The following NARS2 variants were observed in gnomAD, a reference collection of about 807,000 sequenced individuals.
The protein encoded by NARS2 is asparaginyl-tRNA synthetase.
A neutral mutation model predicts 62.9 loss-of-function variants in NARS2; 60 were observed. The observed-to-expected ratio is 0.95, with a 90% CI of 0.77 to 1.18. The LOEUF (loss-of-function observed/expected upper bound fraction) is 1.18, where lower values mean the gene tolerates loss of function less well. Among genes scored for constraint, NARS2 ranks in the 50% most tolerant of loss-of-function variants. The probability of loss-of-function intolerance (pLI) is 0.00; values close to 1 mark genes in which losing one functional copy is unlikely to be tolerated. For missense variants in NARS2, 619 were observed against 576.4 expected (o/e 1.07, Z -0.76); for synonymous variants, 196 against 200.0 (o/e 0.98, Z 0.17).
At chr11:78,517,467 C>T (rs1860956225) in intron 6 of NARS2, among the ~76,000 whole-genome samples, 1 of 152,302 alleles carries the variant, frequency 6.6e-6, no homozygotes, top group South Asian at 2.1e-4. Flanking sequence ...ACTACCACCT[C>T]GTATTCATCC....
At chr11:78,530,951 C>T (rs1861455572) in intron 5 of NARS2, among the ~76,000 whole-genome samples, 1 of 152,010 alleles carries the variant, frequency 6.6e-6, no homozygotes, top group Non-Finnish European at 1.5e-5. Flanking sequence ...TTTTATATTA[C>T]AATTAAAGTA....
intron 6 of NARS2, among the ~76,000 whole-genome samples, chr11:78,494,461 TTC>T (rs1416557045): frequency 1.7e-3 from 159 of 96,136 alleles, no homozygotes; most frequent in African/African-American, 5.4e-3. Context: ...TATAAGTTTT[TTC>T]TTTTTCTTTT....
chr11:78,459,320 G>T (rs1347048072), intron 11 of NARS2, among the ~76,000 whole-genome samples: 1 of 150,832 alleles, frequency 6.6e-6, no homozygotes, highest in African/African-American at 2.5e-5. Flanking sequence ...GCCCAGGCTG[G>T]AGTACAATGA....
intron 9 of NARS2, among the ~76,000 whole-genome samples, chr11:78,473,025 G>C (rs1462990484): frequency 6.6e-6 from 1 of 152,210 alleles, no homozygotes; most frequent in African/African-American, 2.4e-5. Flanking sequence ...AAGCAGCCGG[G>C]TGTGGTGGCC....
chr11:78,500,178 C>T (rs1860230307), intron 6 of NARS2, among the ~76,000 whole-genome samples: 1 of 152,160 alleles, frequency 6.6e-6, no homozygotes, highest in South Asian at 2.1e-4. Flanking sequence ...CCAGATGACT[C>T]ACTTTTTTAA....
chr11:78,525,555 A>G (rs749042899), intron 6 of NARS2, among the ~76,000 whole-genome samples: 10 of 152,190 alleles, frequency 6.6e-5, no homozygotes, highest in Non-Finnish European at 1.3e-4. Flanking sequence ...ATACAAGTCT[A>G]TTAAGATATA....
chr11:78,492,112 G>GACACACACAC (rs754089395), intron 7 of NARS2, among the ~76,000 whole-genome samples: 4 of 145,422 alleles, frequency 2.8e-5, no homozygotes, highest in Non-Finnish European at 4.5e-5. Flanking sequence ...TATATATACA[G>GACACACACAC]ACACACACAC....
chr11:78,563,406 C>T (rs1433236772), intron 4 of NARS2, among the ~76,000 whole-genome samples: 1 of 151,588 alleles, frequency 6.6e-6, no homozygotes, highest in South Asian at 2.1e-4. Context: ...TTAGTAGACA[C>T]GGGGTATCAC....
At position 78,572,912 on chromosome 11, in the gene NARS2, CCAGA is replaced by C. The variant is rs769704776; in HGVS notation, c.141+1432_141+1435del. Among the ~76,000 whole-genome samples the C allele has an allele frequency of 1.1e-4, 16 of 152,122 alleles. No individual in the cohort carries two copies. The East Asian group carries it at 1.5e-3, about 15-fold the overall frequency. On this transcript the variant is annotated intron_variant, in intron 1 of 13. Coordinates refer to ENST00000281038, the MANE Select transcript of NARS2 (RefSeq NM_024678.6). ...CACTTATAGCACATCTCAATTTGGA[CCAGA>C]CAAAGTTCAAGTGCTCAGAGCCAAA... is the stretch of plus-strand genomic sequence containing the variant.
chr11:78,530,897 G>A (rs1025540494), intron 5 of NARS2, among the ~76,000 whole-genome samples: 3 of 152,072 alleles, frequency 2.0e-5, no homozygotes, highest in Non-Finnish European at 2.9e-5. Context: ...TCATGTTAGC[G>A]TTTACGTAAC....
At chr11:78,496,367 T>C (rs1051338957) in intron 6 of NARS2, among the ~76,000 whole-genome samples, 4 of 152,164 alleles carry the variant, frequency 2.6e-5, no homozygotes, top group African/African-American at 9.6e-5. Context: ...ACAAGAACCT[T>C]AGAGTTAATC....
chr11:78,490,761 C>CA (rs972593520), intron 7 of NARS2, among the ~76,000 whole-genome samples: 54 of 141,052 alleles, frequency 3.8e-4, no homozygotes, highest in Non-Finnish European at 6.1e-4. Context: ...GACCCTGTTT[C>CA]AAAAAAAAAA....
intron 5 of NARS2, among the ~76,000 whole-genome samples, chr11:78,543,914 C>G (rs1487231897): frequency 6.6e-6 from 1 of 150,742 alleles, no homozygotes; most frequent in African/African-American, 2.5e-5. Flanking sequence ...ACCTGTAGTC[C>G]CAGCTACTCG....
chr11:78,504,438 T>TG (rs1860409240), intron 6 of NARS2, among the ~76,000 whole-genome samples: 1 of 26,066 alleles, frequency 3.8e-5, no homozygotes, highest in African/African-American at 8.7e-5. Flanking sequence ...ACACCAGTTT[T>TG]TTTTTTTTTT....
chr11:78,460,952 T>A (rs1474432967), intron 11 of NARS2, among the ~76,000 whole-genome samples: 1 of 152,230 alleles, frequency 6.6e-6, no homozygotes, highest in Non-Finnish European at 1.5e-5. Context: ...AACAACTATT[T>A]ACACAGCATT....
intron 10 of NARS2, among the ~76,000 whole-genome samples, chr11:78,466,905 T>C (rs1565216785): frequency 2.0e-5 from 3 of 152,238 alleles, no homozygotes; most frequent in Non-Finnish European, 4.4e-5. Context: ...CCAGGTACCA[T>C]ATGATATACT....
At chr11:78,566,387 CTTT>C in intron 3 of NARS2, 115 bp from the exon 4 acceptor site, 1 of 782,712 alleles carries the variant, frequency 1.3e-6, no homozygotes, top group Non-Finnish European at 1.9e-6. Context: ...TCCTTTCCTT[CTTT>C]ATTTCTTAAT....
chr11:78,566,203 T>A lies in NARS2; in HGVS notation c.442A>T (p.Arg148Trp). The A allele has an allele frequency of 6.2e-7, 1 of 1,612,958 alleles. No individual in the cohort carries two copies. Among genetic ancestry groups the A allele is most frequent in the Non-Finnish European group, 8.5e-7 (1 of 1,179,158 alleles). ...YLRQYPHFRC[R>W]TNVLGSILRI... is the part of the protein sequence containing the mutation. The stretch of plus-strand genomic sequence containing the variant: ...AATATAGAACCCAGAACGTTAGTCC[T>A]ACACCTAAAGTGAGGATATTGTCGC... The change falls in exon 4 of 14, where the codon AGG becomes TGG. Residue 148 changes from arginine (R) to tryptophan (W), a missense_variant. Transcript: ENST00000281038.
intron 6 of NARS2, among the ~76,000 whole-genome samples, chr11:78,511,220 G>A (rs1414540003): frequency 6.6e-6 from 1 of 152,164 alleles, no homozygotes; most frequent in East Asian, 1.9e-4. Flanking sequence ...TGAAACTACA[G>A]GCATGTGCCA....
Sources: allele counts gnomAD v4.1 joint callset (sites outside exome capture counted in the v4.1 genomes callset), GRCh38; gene constraint gnomAD v4.1.1; transcripts MANE v1.5; gene names NCBI Gene and HGNC (gene_info 2026-07-23, HGNC 2026-07-21).